The following TOP3A variants were observed in gnomAD, a reference collection of about 807,000 sequenced individuals.
TOP3A encodes the protein DNA topoisomerase 3-alpha.
In TOP3A, 64 loss-of-function variants were observed where a neutral mutation model predicts 111.3. The observed-to-expected ratio is 0.57, with a 90% confidence interval of 0.47 to 0.71. TOP3A has a LOEUF of 0.71. Ranked by LOEUF, TOP3A falls within the 30% of genes least tolerant of loss-of-function variation. The pLI is 0.00. For synonymous variants in TOP3A, 484 were observed against 485.1 expected (o/e 1.00, Z 0.03); for missense variants, 1,104 against 1,285.0 (o/e 0.86, Z 2.15).
In TOP3A at chr17:18,280,441, G is replaced by A. The variant is rs1979684439; in HGVS notation, c.2144+95C>T. 2.1e-6 allele frequency: 3 copies of A among 1,443,080 alleles called. No individual in the cohort carries two copies. In the Admixed American group the frequency reaches 6.3e-5, roughly 30 times the overall value. 89.4% of individuals were successfully genotyped at this position (1,443,080 alleles called of 1,614,324 possible). On this transcript the variant is annotated intron_variant, in intron 17 of 18. Coordinates refer to ENST00000321105, the MANE Select transcript of TOP3A (RefSeq NM_004618.5). The stretch of plus-strand genomic sequence containing the variant: ...GCTACGCCCCTGCAGGGCCTGAGTG[G>A]AATCCCCGACACTCCTCTCTGGGTT...
chr17:18,285,795 T>C (rs9903847), intron 13 of TOP3A, among the ~76,000 whole-genome samples: 3,940 of 152,318 alleles, frequency 0.026, 172 homozygotes, highest in African/African-American at 0.084. Context: ...AAGCCATACT[T>C]GCAGCTTGTG....
At chr17:18,298,316 C>G (rs1338766242) in intron 9 of TOP3A, among the ~76,000 whole-genome samples, 1 of 151,072 alleles carries the variant, frequency 6.6e-6, no homozygotes, top group African/African-American at 2.5e-5. Flanking sequence ...GCAGCCACCT[C>G]GTCCGGCAGG....
At chr17:18,314,528 G>C in intron 1 of TOP3A, 71 bp downstream of exon 1, 2 of 1,480,618 alleles carry the variant, frequency 1.4e-6, no homozygotes, top group Non-Finnish European at 1.8e-6. Flanking sequence ...TCGATTCTTG[G>C]CGCCCACCAC....
chr17:18,305,486 A>ACGCACG (rs1555572060), intron 4 of TOP3A, among the ~76,000 whole-genome samples: 1 of 149,414 alleles, frequency 6.7e-6, no homozygotes, highest in Non-Finnish European at 1.5e-5. Flanking sequence ...ACACACACAC[A>ACGCACG]CGCGCGCGCG....
chr17:18,309,045 G>A, intron 1 of TOP3A, 104 bp from the exon 2 acceptor site: 3 of 607,214 alleles, frequency 4.9e-6, no homozygotes, highest in Non-Finnish European at 8.0e-6. Flanking sequence ...TCTTGGTTAT[G>A]ATACCAAAAA....
intron 18 of TOP3A, among the ~76,000 whole-genome samples, chr17:18,276,203 G>T (rs866292805): frequency 5.9e-5 from 9 of 152,324 alleles, no homozygotes; most frequent in African/African-American, 2.2e-4. Context: ...GGAAAGACAA[G>T]CAGCCTATGA....
chr17:18,298,926 C>T (rs1981041349), intron 9 of TOP3A, among the ~76,000 whole-genome samples: 1 of 151,290 alleles, frequency 6.6e-6, no homozygotes, highest in Non-Finnish European at 1.5e-5. Context: ...CGGAAGGCCG[C>T]AGGGTCCTCT....
intron 5 of TOP3A, 53 bp downstream of exon 5, chr17:18,305,059 T>C (rs1287719888): frequency 1.4e-6 from 2 of 1,471,854 alleles, no homozygotes; most frequent in African/African-American, 1.4e-5. Flanking sequence ...ACAAGAACAC[T>C]CTATTTATGG....
In TOP3A at chr17:18,301,927, A is replaced by T; in HGVS notation, c.873T>A (p.Phe291Leu). ...VEFNWKRHRL[F>L]NHTACLVLYQ... Reference sequence around the variant, plus strand: ...AGAGAACTAGGCAAGCCGTGTGGTTAAAGAGTCGATGCCTTTTCCAGTTGA... The same window carrying T: ...AGAGAACTAGGCAAGCCGTGTGGTTTAAGAGTCGATGCCTTTTCCAGTTGA... The change falls in exon 8 of 19, where the codon TTT (phenylalanine) becomes TTA (leucine). Residue 291 changes from phenylalanine to leucine, a missense_variant. Phe to Leu is a conservative substitution (Grantham distance 22). Coordinates refer to ENST00000321105, the MANE Select transcript of TOP3A (RefSeq NM_004618.5). 1 of 1,614,210 alleles carries T rather than the reference A, an allele frequency of 6.2e-7. No homozygotes were observed. The highest frequency in any genetic ancestry group is 2.2e-5 in the East Asian group (1 of 44,890).
intron 10 of TOP3A, among the ~76,000 whole-genome samples, chr17:18,293,783 G>C (rs1321954954): frequency 6.6e-6 from 1 of 151,962 alleles, no homozygotes; most frequent in Non-Finnish European, 1.5e-5. Context: ...TTTTAGTAGA[G>C]ATGGGGTTTC....
chr17:18,277,185 CAAAAAA>C (rs34363304), intron 18 of TOP3A, among the ~76,000 whole-genome samples: 1 of 96,480 alleles, frequency 1.0e-5, no homozygotes, highest in African/African-American at 4.1e-5. Context: ...ACTCAGTCTC[CAAAAAA>C]AAAAAAAAAA....
Position 18,271,887 on chromosome 17 carries a change from A to AC in TOP3A, c.*2914dup, listed in dbSNP as rs1246284664. 2 of 346,996 alleles carry AC rather than the reference A, an allele frequency of 5.8e-6. No individual in the cohort carries two copies. The highest frequency in any genetic ancestry group is 1.1e-5 in the Non-Finnish European group (2 of 176,896). 21.5% of individuals were successfully genotyped at this position (346,996 alleles called of 1,614,324 possible). ...AGACCAGCCTGGCCAACATGGTGAA[A>AC]CCCCGTCTTTACTAAAAATACTAAA... is the stretch of plus-strand genomic sequence containing the variant. On this transcript the variant is annotated 3_prime_UTR_variant, in exon 19 of 19. Transcript: ENST00000321105.
At position 18,272,356 on chromosome 17, in the gene TOP3A, G is replaced by A. The variant is rs1360484270; in HGVS notation, c.*2446C>T. Among the ~76,000 whole-genome samples the A allele has an allele frequency of 1.3e-5, 2 of 152,188 alleles. No individual in the cohort carries two copies. The highest frequency in any genetic ancestry group is 3.8e-4 in the East Asian group (2 of 5,198). The stretch of plus-strand genomic sequence containing the variant: ...GGGTGTAAAGTGGTGCATCCACTGT[G>A]GAAAATTTGTAGGTTCCTCAAAAAG... On this transcript the variant is annotated 3_prime_UTR_variant, in exon 19 of 19. Transcript: ENST00000321105.
intron 1 of TOP3A, chr17:18,312,727 GC>G: frequency 5.3e-6 from 1 of 186,982 alleles, no homozygotes; most frequent in Non-Finnish European, 1.2e-5. Context: ...TTTCCTTTTG[GC>G]TGGAACTGCC....
chr17:18,280,404 C>T, intron 17 of TOP3A, 132 bp downstream of exon 17: 1 of 1,031,646 alleles, frequency 9.7e-7, no homozygotes, highest in Non-Finnish European at 1.4e-6. Context: ...GAACTGGCTG[C>T]TGCAGAACAC....
At chr17:18,296,372 T>A (rs1243340572) in intron 9 of TOP3A, among the ~76,000 whole-genome samples, 1 of 151,930 alleles carries the variant, frequency 6.6e-6, no homozygotes, top group African/African-American at 2.4e-5. Flanking sequence ...ACAAGTTCAA[T>A]AGATTGAGAC....
chr17:18,298,718 C>A (rs201464685), intron 9 of TOP3A, among the ~76,000 whole-genome samples: 39,491 of 151,628 alleles, frequency 0.26, 5,472 homozygotes, highest in Non-Finnish European at 0.31. Flanking sequence ...AAGAAAAATT[C>A]TTCTGCCTTG....
chr17:18,286,258 A>G (rs576530726), intron 13 of TOP3A, among the ~76,000 whole-genome samples: 1 of 151,638 alleles, frequency 6.6e-6, no homozygotes, highest in South Asian at 2.1e-4. Context: ...AATCCCAGCA[A>G]TTTGGGAAGC....
At chr17:18,301,174 T>C (rs1229519686) in intron 8 of TOP3A, among the ~76,000 whole-genome samples, 1 of 152,192 alleles carries the variant, frequency 6.6e-6, no homozygotes, top group Non-Finnish European at 1.5e-5. Flanking sequence ...AGCATGACTC[T>C]GTGCAGCCCC....
Sources: allele counts gnomAD v4.1 joint callset (sites outside exome capture counted in the v4.1 genomes callset), GRCh38; gene constraint gnomAD v4.1.1; transcripts MANE v1.5; gene names NCBI Gene and HGNC (gene_info 2026-07-23, HGNC 2026-07-21).